SHROOM4: variants seen among roughly 807,000 people sequenced by gnomAD.
The protein encoded by SHROOM4 is shroom family member 4.
A neutral mutation model predicts 80.3 loss-of-function variants in SHROOM4; 17 were observed. That is an observed-to-expected ratio of 0.21 (90% CI 0.14 to 0.32). SHROOM4 has a LOEUF of 0.32. Among genes scored for constraint, SHROOM4 ranks in the 10% least tolerant of loss-of-function variants. SHROOM4 has a pLI of 1.00. For missense variants in SHROOM4, 993 were observed against 1,140.3 expected, an observed-to-expected ratio of 0.87 and a Z score of 1.86; for synonymous variants, 400 against 437.5, an observed-to-expected ratio of 0.91 and a Z score of 1.07.
At chrX:50,612,584 T>C (rs1930047619) in intron 5 of SHROOM4, among the ~76,000 whole-genome samples, 1 of 111,155 alleles carries the variant, frequency 9.0e-6, no homozygotes, top group Non-Finnish European at 1.9e-5. Context: ...AAAAGCAAAC[T>C]AGAGACCCAT....
At chrX:50,717,021 A>G (rs972678018) in intron 1 of SHROOM4, among the ~76,000 whole-genome samples, 1 of 112,233 alleles carries the variant, frequency 8.9e-6, no homozygotes, top group Non-Finnish European at 1.9e-5. Context: ...GCTTCCCAGG[A>G]AGACTAAATT....
chrX:50,687,418 T>TTA (rs1557262342), intron 2 of SHROOM4, among the ~76,000 whole-genome samples: 3 of 110,916 alleles, frequency 2.7e-5, no homozygotes, highest in Admixed American at 1.9e-4. Flanking sequence ...CACCTCTGTT[T>TTA]TATATTATTA....
chrX:50,748,241 T>C (rs1046190037), intron 1 of SHROOM4, among the ~76,000 whole-genome samples: 6 of 111,462 alleles, frequency 5.4e-5, no homozygotes, highest in Non-Finnish European at 1.1e-4. Context: ...GTTCAGAGGA[T>C]TGGAAAACTG....
chrX:50,694,878 G>C (rs1295986415), intron 2 of SHROOM4, among the ~76,000 whole-genome samples: 2 of 107,280 alleles, frequency 1.9e-5, no homozygotes, highest in African/African-American at 6.8e-5. Context: ...GCCAGAGGGA[G>C]AAGTGAGATT....
At chrX:50,600,827 T>C (rs1557247537) in intron 7 of SHROOM4, among the ~76,000 whole-genome samples, 1 of 111,562 alleles carries the variant, frequency 9.0e-6, no homozygotes, top group Admixed American at 9.5e-5. Context: ...GAACTGGGGA[T>C]CAGTGATATG....
At chrX:50,693,255 G>C (rs886963289) in intron 2 of SHROOM4, among the ~76,000 whole-genome samples, 1 of 111,014 alleles carries the variant, frequency 9.0e-6, no homozygotes, top group African/African-American at 3.3e-5. Flanking sequence ...AAATAACAAG[G>C]AAACTGACTA....
chrX:50,804,218 T>A (rs1406173317), intron 1 of SHROOM4, among the ~76,000 whole-genome samples: 2 of 111,710 alleles, frequency 1.8e-5, no homozygotes, highest in Admixed American at 9.5e-5. Context: ...GCAGGTTGTA[T>A]TACTCTCATT....
chrX:50,611,316 T>C (rs1340791601), intron 5 of SHROOM4, among the ~76,000 whole-genome samples: 2 of 108,947 alleles, frequency 1.8e-5, no homozygotes, highest in Non-Finnish European at 3.8e-5. Flanking sequence ...GCCCGGCTAA[T>C]TTTTTTTGTA....
chrX:50,797,012 G>T (rs1281085762), intron 1 of SHROOM4, among the ~76,000 whole-genome samples: 2 of 95,474 alleles, frequency 2.1e-5, no homozygotes, highest in African/African-American at 7.7e-5. Context: ...TCTCATCGTT[G>T]CTTTCTTGAG....
At position 50,608,120 on chromosome X, in the gene SHROOM4, G is replaced by C; in HGVS notation, c.3022C>G (p.Pro1008Ala). The C allele has an allele frequency of 8.3e-7, 1 of 1,211,687 alleles. No individual in the cohort carries two copies. The highest frequency in any genetic ancestry group is 1.1e-6 in the Non-Finnish European group (1 of 895,561). ...CGGTAGCTTGACAAGTCCAGTGCTG[G>C]GTTCTCAAGGCAAGGATGGAAAGGG... ...ATPFHPCLEN[P>A]ALDLSSYRAI... The change falls in exon 6 of 9, where the codon CCA becomes GCA. Residue 1008 changes from proline (P) to alanine (A), a missense_variant. By Grantham distance (27) the Pro-to-Ala change is conservative. Transcript: ENST00000376020.
Position 50,634,529 on chromosome X carries a change from G to A in SHROOM4, c.1544C>T (p.Thr515Ile). The A allele has an allele frequency of 1.7e-6, 2 of 1,211,703 alleles. No individual in the cohort carries two copies. Among genetic ancestry groups the A allele is most frequent in the Non-Finnish European group, 2.2e-6 (2 of 895,556 alleles). Reference sequence around the variant, plus strand: ...GGCCAATTCACTGGCTGCTCTGCTTGTTCTGTTTGGGTCCAGGAAACCTTT... The same window carrying A: ...GGCCAATTCACTGGCTGCTCTGCTTATTCTGTTTGGGTCCAGGAAACCTTT... ...SEKGFLDPNR[T>I]SRAASELANQ... Residue 515 changes from threonine to isoleucine, a missense_variant, in exon 4 of 9, where the codon ACA becomes ATA. Coordinates refer to ENST00000376020, the MANE Select transcript of SHROOM4 (RefSeq NM_020717.5).
At position 50,651,524 on chromosome X, in the gene SHROOM4, G is replaced by A. The variant is rs781829386; in HGVS notation, c.270-13216C>T. Reference sequence around the variant, plus strand: ...AGAACTTGTAGGAAAGAAAATTCTGGGGACCCATCCTCGACCTTTTGGATC... The same window carrying A: ...AGAACTTGTAGGAAAGAAAATTCTGAGGACCCATCCTCGACCTTTTGGATC... On this transcript the variant is annotated intron_variant, in intron 2 of 8. Transcript: ENST00000376020. 9.0e-5 allele frequency among the ~76,000 whole-genome samples: 10 copies of A among 111,682 alleles called. No individual in the cohort carries two copies. In the East Asian group the frequency reaches 2.0e-3, roughly 22 times the overall value.
At chrX:50,800,703 G>T (rs1451756664) in intron 1 of SHROOM4, among the ~76,000 whole-genome samples, 1 of 111,360 alleles carries the variant, frequency 9.0e-6, no homozygotes, top group Non-Finnish European at 1.9e-5. Context: ...AAAACCTGGG[G>T]CCTGGAAGGA....
At chrX:50,597,621 C>T (rs1557246909) in intron 8 of SHROOM4, among the ~76,000 whole-genome samples, 2 of 111,351 alleles carry the variant, frequency 1.8e-5, no homozygotes, top group African/African-American at 6.6e-5. Flanking sequence ...TCAGTGTTTA[C>T]CCTGTCCCAG....
intron 1 of SHROOM4, among the ~76,000 whole-genome samples, chrX:50,793,839 A>C (rs1407233612): frequency 9.1e-6 from 1 of 110,428 alleles, no homozygotes; most frequent in African/African-American, 3.3e-5. Context: ...CAATAGTTAA[A>C]AACTAATCTT....
intron 2 of SHROOM4, among the ~76,000 whole-genome samples, chrX:50,681,094 T>C (rs1932931989): frequency 9.0e-6 from 1 of 110,757 alleles, no homozygotes; most frequent in Non-Finnish European, 1.9e-5. Flanking sequence ...TTTTACCATC[T>C]CCATCACTAA....
At chrX:50,610,423 T>C (rs1929918924) in intron 5 of SHROOM4, among the ~76,000 whole-genome samples, 1 of 108,914 alleles carries the variant, frequency 9.2e-6, no homozygotes, top group Admixed American at 9.7e-5. Flanking sequence ...GACAAACGTG[T>C]ACCAGGCAGA....
chrX:50,619,221 T>A (rs995183067), intron 5 of SHROOM4, among the ~76,000 whole-genome samples: 11 of 111,256 alleles, frequency 9.9e-5, no homozygotes, highest in Non-Finnish European at 2.1e-4. Flanking sequence ...CTCCTACCTC[T>A]TCCTCGGCCC....
At chrX:50,696,811 A>C (rs1933382788) in intron 1 of SHROOM4, among the ~76,000 whole-genome samples, 1 of 112,302 alleles carries the variant, frequency 8.9e-6, no homozygotes, top group Non-Finnish European at 1.9e-5. Context: ...GAAGATTGTC[A>C]GACTGAGGGG....
Sources: allele counts gnomAD v4.1 joint callset (sites outside exome capture counted in the v4.1 genomes callset), GRCh38; gene constraint gnomAD v4.1.1; transcripts MANE v1.5; gene names NCBI Gene and HGNC (gene_info 2026-07-23, HGNC 2026-07-21).